Variants in SESTD1 observed in about 807,000 individuals in gnomAD.
SESTD1 encodes SEC14 and spectrin domain containing 1.
Under a neutral mutation model 101.7 loss-of-function variants are expected in SESTD1, and 43 were observed. The observed-to-expected ratio is 0.42, with a 90% CI of 0.33 to 0.55. The LOEUF is 0.55. SESTD1 is among the 20% of genes least tolerant of loss of function. The pLI is 0.07. For missense variants in SESTD1, 647 were observed against 815.1 expected, an observed-to-expected ratio of 0.79 and a Z score of 2.51; for synonymous variants, 283 against 286.8, an observed-to-expected ratio of 0.99 and a Z score of 0.13.
Position 179,214,393 on chromosome 2 carries a change from C to T in SESTD1, c.-25-22527G>A, listed in dbSNP as rs542550463. ...TCAAAACAGACAAAGAAGGCCACTA[C>T]GTAATGGTAAAGGAATGGTAAAGCT... On this transcript the variant is annotated intron_variant, in intron 1 of 17. Transcript: ENST00000428443. Among the ~76,000 whole-genome samples, 12 of 134,392 alleles carry T rather than the reference C, an allele frequency of 8.9e-5. 3 individuals are homozygous for T. The highest frequency in any genetic ancestry group is 8.6e-4 in the South Asian group (3 of 3,490). 88.2% of individuals were successfully genotyped at this position (134,392 alleles called of 152,430 possible). A position where few individuals can be genotyped will look rare whatever the true frequency, so the allele number is the denominator to read the frequency against.
chr2:179,250,769 A>G (rs1158656611), intron 1 of SESTD1, among the ~76,000 whole-genome samples: 1 of 152,222 alleles, frequency 6.6e-6, no homozygotes, highest in Non-Finnish European at 1.5e-5. Flanking sequence ...CACACAACCT[A>G]TGAAATTTGT....
At chr2:179,133,181 T>G (rs2045050987) in intron 9 of SESTD1, among the ~76,000 whole-genome samples, 1 of 151,910 alleles carries the variant, frequency 6.6e-6, no homozygotes, top group African/African-American at 2.4e-5. Flanking sequence ...CAAGCAGGTA[T>G]AAGGAGATGA....
intron 12 of SESTD1, among the ~76,000 whole-genome samples, chr2:179,122,802 A>G (rs994507282): frequency 1.6e-4 from 25 of 152,180 alleles, no homozygotes; most frequent in South Asian, 1.0e-3. Context: ...AAGCTGAGGC[A>G]GGAGAATCAC....
At chr2:179,221,203 T>A (rs1216372874) in intron 1 of SESTD1, among the ~76,000 whole-genome samples, 2 of 152,166 alleles carry the variant, frequency 1.3e-5, no homozygotes, top group East Asian at 3.9e-4. Flanking sequence ...TAAAAAAGTT[T>A]TAACTTAAAA....
chr2:179,253,053 C>A (rs959984354), intron 1 of SESTD1, among the ~76,000 whole-genome samples: 1 of 152,092 alleles, frequency 6.6e-6, no homozygotes, highest in Non-Finnish European at 1.5e-5. Context: ...ACATAGGTGG[C>A]TAGGCTGACC....
In SESTD1 at chr2:179,203,493, C is replaced by T. The variant is rs1031089797; in HGVS notation, c.-25-11627G>A. 7.5e-5 allele frequency among the ~76,000 whole-genome samples: 10 copies of T among 133,046 alleles called. 2 individuals are homozygous for T. The highest frequency in any genetic ancestry group is 1.6e-4 in the Non-Finnish European group (10 of 62,266). The allele number at this position is 133,046 out of a possible 152,430, so 87.3% of individuals were successfully genotyped here. On this transcript the variant is annotated intron_variant, in intron 1 of 17. Transcript: ENST00000428443. Reference sequence around the variant, plus strand: ...GGGTGAACACATCAAGGTGCTGAGACGGTAGCACACCCAGAGAGGCCATGG... The same window carrying T: ...GGGTGAACACATCAAGGTGCTGAGATGGTAGCACACCCAGAGAGGCCATGG...
rs1391533526 is a variant in SESTD1, at chr2:179,128,230, T to C, written c.973-3672A>G. Among the ~76,000 whole-genome samples, 4 of 152,306 alleles carry C rather than the reference T, an allele frequency of 2.6e-5. No homozygotes were observed. The East Asian group carries it at 5.8e-4, about 22-fold the overall frequency. On this transcript the variant is annotated intron_variant, in intron 10 of 17. Transcript: ENST00000428443. ...TTTCCTGGTTTGAATTTGTAAAATA[T>C]AGGCTCCAGCAACCTGACCAGGGAT...
intron 1 of SESTD1, among the ~76,000 whole-genome samples, chr2:179,221,061 AAAT>A (rs1250179307): frequency 6.6e-6 from 1 of 152,210 alleles, no homozygotes; most frequent in Non-Finnish European, 1.5e-5. Context: ...TGTTCAAATG[AAAT>A]AATATACCTG....
intron 1 of SESTD1, among the ~76,000 whole-genome samples, chr2:179,256,751 G>A (rs2047399454): frequency 6.7e-6 from 1 of 149,380 alleles, no homozygotes. Context: ...GGCAGAGGTT[G>A]CAGTGAGCTG....
chr2:179,173,877 T>A (rs1263194443), intron 4 of SESTD1, among the ~76,000 whole-genome samples: 1 of 152,128 alleles, frequency 6.6e-6, no homozygotes, highest in Non-Finnish European at 1.5e-5. Context: ...CAACCTCTGT[T>A]CTAGACCATA....
At chr2:179,186,589 T>A (rs2046235851) in intron 2 of SESTD1, among the ~76,000 whole-genome samples, 1 of 152,126 alleles carries the variant, frequency 6.6e-6, no homozygotes, top group African/African-American at 2.4e-5. Context: ...TACATTTTCA[T>A]ATCAGAAGTG....
rs936475517 is a variant in SESTD1, at chr2:179,102,413, C to T, written c.*7486G>A. ...GATTATCTTATAGAGACCAGTGTGA[C>T]TTAATTCTCCCTAGATTTTATGAAC... is the stretch of plus-strand genomic sequence containing the variant. On this transcript the variant is annotated 3_prime_UTR_variant, in exon 18 of 18. Transcript: ENST00000428443. The T allele has an allele frequency of 4.6e-5, 7 of 152,138 alleles. No homozygotes were observed. Among genetic ancestry groups the T allele is most frequent in the African/African-American group, 1.7e-4 (7 of 41,428 alleles). 9.4% of individuals were successfully genotyped at this position (152,138 alleles called of 1,614,324 possible).
At position 179,104,277 on chromosome 2, in the gene SESTD1, ATCCTTTC is replaced by A. The variant is rs968615815; in HGVS notation, c.*5615_*5621del. 1 of 152,130 alleles carries A rather than the reference ATCCTTTC, an allele frequency of 6.6e-6. No individual in the cohort carries two copies. The highest frequency in any genetic ancestry group is 2.4e-5 in the African/African-American group (1 of 41,438). The allele number at this position is 152,130 out of a possible 1,614,324, so 9.4% of individuals were successfully genotyped here. A position where few individuals can be genotyped will look rare whatever the true frequency, so the allele number is the denominator to read the frequency against. On this transcript the variant is annotated 3_prime_UTR_variant, in exon 18 of 18. Coordinates refer to ENST00000428443, the MANE Select transcript of SESTD1 (RefSeq NM_178123.5). The stretch of plus-strand genomic sequence containing the variant: ...TTATAACTGTCAAAGTGGTATTTCG[ATCCTTTC>A]ACCTTTACAAAATACAATACATATA...
rs751615607 is a variant in SESTD1, at chr2:179,237,900, C to A, written c.-26+26599G>T. 9.2e-5 allele frequency among the ~76,000 whole-genome samples: 14 copies of A among 152,216 alleles called. No homozygotes were observed. In the South Asian group the frequency reaches 1.2e-3, roughly 14 times the overall value. On this transcript the variant is annotated intron_variant, in intron 1 of 17. Coordinates refer to ENST00000428443, the MANE Select transcript of SESTD1 (RefSeq NM_178123.5). ...CTGTAAGTATTAATTGTAAGTGGAC[C>A]TTTGAGCAATACAGGGATTATGGGC...
At chr2:179,172,584 T>C (rs1005135352) in intron 4 of SESTD1, among the ~76,000 whole-genome samples, 3 of 152,126 alleles carry the variant, frequency 2.0e-5, no homozygotes, top group Non-Finnish European at 4.4e-5. Context: ...GTATGAAAAA[T>C]TTTTTCTAAC....
At chr2:179,250,871 C>A (rs1398633877) in intron 1 of SESTD1, among the ~76,000 whole-genome samples, 1 of 152,132 alleles carries the variant, frequency 6.6e-6, no homozygotes, top group Non-Finnish European at 1.5e-5. Context: ...TTGGTAATCT[C>A]TTTAAAAACC....
chr2:179,233,749 C>T (rs2047020130), intron 1 of SESTD1, among the ~76,000 whole-genome samples: 1 of 152,220 alleles, frequency 6.6e-6, no homozygotes, highest in Non-Finnish European at 1.5e-5. Flanking sequence ...CCACCACATC[C>T]ATCGTATTCA....
rs1208990757 is a variant in SESTD1, at chr2:179,208,177, A to G, written c.-25-16311T>C. Among the ~76,000 whole-genome samples the G allele has an allele frequency of 1.5e-5, 2 of 134,864 alleles. 1 individual carries two copies. Among genetic ancestry groups the G allele is most frequent in the African/African-American group, 5.9e-5 (2 of 34,168 alleles). The allele number at this position is 134,864 out of a possible 152,430, so 88.5% of individuals were successfully genotyped here. On this transcript the variant is annotated intron_variant, in intron 1 of 17. Transcript: ENST00000428443. ...GAATTAATGAAATCCAAAAACGACA[A>G]AAAAGAATTTTTAAAAATGAACAAG...
intron 3 of SESTD1, among the ~76,000 whole-genome samples, chr2:179,179,171 T>C (rs917163544): frequency 6.6e-6 from 1 of 152,206 alleles, no homozygotes; most frequent in African/African-American, 2.4e-5. Context: ...TAAACTGCTT[T>C]TAACAACATA....
Sources: gnomAD v4.1 joint callset for allele counts (sites outside exome capture counted in the v4.1 genomes callset) on GRCh38, gnomAD v4.1.1 for gene constraint, MANE v1.5 for transcripts, NCBI Gene and HGNC (gene_info 2026-07-23, HGNC 2026-07-21) for gene names.